PSD3: variants seen among roughly 807,000 people sequenced by gnomAD.
PSD3 encodes the protein pleckstrin and Sec7 domain containing 3, also known as PH and SEC7 domain-containing protein 3.
PSD3 carries 49 observed loss-of-function variants against 105.5 expected under a neutral mutation model. The observed-to-expected ratio is 0.46, with a 90% CI of 0.37 to 0.59. PSD3 has a LOEUF of 0.59. PSD3 is among the 20% of genes least tolerant of loss of function. PSD3 has a pLI of 0.00. For missense variants in PSD3, 1,561 were observed against 1,263.8 expected (o/e 1.24, Z -3.57); for synonymous variants, 557 against 457.8 (o/e 1.22, Z -2.77).
chr8:18,567,640 C>A (rs1801875128), intron 14 of PSD3, among the ~76,000 whole-genome samples: 2 of 152,134 alleles, frequency 1.3e-5, no homozygotes, highest in Admixed American at 6.5e-5. Flanking sequence ...TTTCCTGAAA[C>A]CACAGATTCT....
Position 18,655,670 on chromosome 8 carries a change from T to C in PSD3, c.2188A>G (p.Ile730Val), listed in dbSNP as rs1318462056. The C allele has an allele frequency of 1.2e-6, 2 of 1,613,848 alleles. No homozygotes were observed. The highest frequency in any genetic ancestry group is 1.7e-5 in the Admixed American group (1 of 60,016). ...KDLLKALYNSIKNEKLEWAVD... is the reference protein window; with the variant it reads ...KDLLKALYNSVKNEKLEWAVD... ...GCCCATTCAAGCTTCTCATTCTTGA[T>C]TGAGTTGTACAGAGCCTGTAAAGAG... The change falls in exon 10 of 16, where the codon ATC becomes GTC. Residue 730 changes from isoleucine (I) to valine (V), a missense_variant. Ile to Val is a conservative substitution (Grantham distance 29). Coordinates refer to ENST00000327040, the MANE Select transcript of PSD3 (RefSeq NM_015310.4).
rs377159271 is a variant in PSD3, at chr8:18,867,668, G to T, written c.1634+6C>A. ...AGCATGAAATGAATGAGAATGGGACGAGTACCTTCCCCAGAAAGCAATCTC... is the reference window on the plus strand; with the variant it reads ...AGCATGAAATGAATGAGAATGGGACTAGTACCTTCCCCAGAAAGCAATCTC... On this transcript the variant is annotated splice_donor_region_variant and intron_variant, in intron 4 of 15. Coordinates refer to ENST00000327040, the MANE Select transcript of PSD3 (RefSeq NM_015310.4). 1 of 1,603,388 alleles carries T rather than the reference G, an allele frequency of 6.2e-7. No individual in the cohort carries two copies. Among genetic ancestry groups the T allele is most frequent in the Non-Finnish European group, 8.5e-7 (1 of 1,173,818 alleles).
intron 10 of PSD3, among the ~76,000 whole-genome samples, chr8:18,645,526 T>C (rs1015679084): frequency 6.6e-6 from 1 of 152,172 alleles, no homozygotes; most frequent in African/African-American, 2.4e-5. Context: ...ATAATATCCT[T>C]TACATAACCA....
chr8:19,000,409 G>A (rs71502569), intron 1 of PSD3, among the ~76,000 whole-genome samples: 45,593 of 126,354 alleles, frequency 0.36, 7,861 homozygotes, highest in East Asian at 0.46. Flanking sequence ...AAAAAAAAAA[G>A]AGAGAGAAAA....
chr8:18,578,267 C>T (rs543351912), intron 12 of PSD3, among the ~76,000 whole-genome samples: 13 of 152,050 alleles, frequency 8.5e-5, no homozygotes, highest in Non-Finnish European at 1.2e-4. Flanking sequence ...CCTTATTCTC[C>T]CTTATGTAAC....
At chr8:18,576,381 G>A (rs1802464829) in intron 12 of PSD3, among the ~76,000 whole-genome samples, 1 of 152,056 alleles carries the variant, frequency 6.6e-6, no homozygotes, top group African/African-American at 2.4e-5. Context: ...AGCCTCCCAG[G>A]ATAAGAAGTG....
intron 2 of PSD3, among the ~76,000 whole-genome samples, chr8:18,897,215 G>A (rs575939630): frequency 6.6e-6 from 1 of 152,162 alleles, no homozygotes; most frequent in African/African-American, 2.4e-5. Flanking sequence ...TATACCTGTT[G>A]GCCATCTATA....
chr8:18,614,594 T>C (rs558613335), intron 11 of PSD3, among the ~76,000 whole-genome samples: 7 of 152,106 alleles, frequency 4.6e-5, no homozygotes, highest in Non-Finnish European at 7.4e-5. Context: ...TGGGTTTTCA[T>C]GGGTTAATTA....
chr8:18,881,119 G>A (rs958104973), intron 2 of PSD3, among the ~76,000 whole-genome samples: 6 of 152,112 alleles, frequency 3.9e-5, no homozygotes, highest in South Asian at 4.1e-4. Flanking sequence ...CTAACAAATC[G>A]TGTTTCCTGT....
At chr8:18,619,156 A>C (rs1172116483) in intron 11 of PSD3, among the ~76,000 whole-genome samples, 1 of 152,100 alleles carries the variant, frequency 6.6e-6, no homozygotes, top group Non-Finnish European at 1.5e-5. Flanking sequence ...AACCAACTGC[A>C]TGGACCCCCT....
intron 9 of PSD3, among the ~76,000 whole-genome samples, chr8:18,669,281 G>C (rs1422335869): frequency 6.6e-6 from 1 of 152,134 alleles, no homozygotes; most frequent in Non-Finnish European, 1.5e-5. Context: ...TATGTTCCAA[G>C]GCTCCCAGTG....
At chr8:18,628,280 T>A (rs1277724169) in intron 11 of PSD3, among the ~76,000 whole-genome samples, 1 of 151,724 alleles carries the variant, frequency 6.6e-6, no homozygotes, top group Non-Finnish European at 1.5e-5. Flanking sequence ...CACTAAGGCA[T>A]CACATAATAA....
intron 2 of PSD3, among the ~76,000 whole-genome samples, chr8:18,894,557 C>G (rs960694904): frequency 6.6e-6 from 1 of 152,142 alleles, no homozygotes; most frequent in Non-Finnish European, 1.5e-5. Flanking sequence ...TCAGCCAGAA[C>G]AGACATCTGA....
intron 2 of PSD3, among the ~76,000 whole-genome samples, chr8:18,930,234 C>T (rs1821651690): frequency 1.3e-5 from 2 of 152,116 alleles, no homozygotes; most frequent in Admixed American, 1.3e-4. Flanking sequence ...GAGATAGAGC[C>T]AATTACCCAC....
chr8:18,641,976 A>T (rs1019371326), intron 10 of PSD3, among the ~76,000 whole-genome samples: 16 of 152,148 alleles, frequency 1.1e-4, no homozygotes, highest in Non-Finnish European at 1.9e-4. Flanking sequence ...CTATTCTCTA[A>T]AAATACCTTA....
At chr8:18,785,789 T>G (rs1809086145) in intron 8 of PSD3, among the ~76,000 whole-genome samples, 1 of 152,152 alleles carries the variant, frequency 6.6e-6, no homozygotes, top group African/African-American at 2.4e-5. Context: ...GGCTATTAAT[T>G]GGCCTAATTT....
chr8:18,882,887 C>A (rs907149960), intron 2 of PSD3, among the ~76,000 whole-genome samples: 28 of 151,304 alleles, frequency 1.9e-4, no homozygotes, highest in African/African-American at 6.6e-4. Flanking sequence ...ACACAGATAT[C>A]CATATATCTG....
intron 1 of PSD3, among the ~76,000 whole-genome samples, chr8:18,953,349 G>T (rs1314202966): frequency 1.3e-5 from 2 of 152,018 alleles, no homozygotes; most frequent in Non-Finnish European, 2.9e-5. Context: ...CATACATATG[G>T]TTTACAAACA....
chr8:18,802,354 T>G (rs996801235), intron 6 of PSD3: 1 of 425,966 alleles, frequency 2.3e-6, no homozygotes, highest in Non-Finnish European at 4.7e-6. Flanking sequence ...TTCATTTTCC[T>G]AAACATGAGA....
Sources: allele counts gnomAD v4.1 joint callset (sites outside exome capture counted in the v4.1 genomes callset), GRCh38; gene constraint gnomAD v4.1.1; transcripts MANE v1.5; gene names NCBI Gene and HGNC (gene_info 2026-07-23, HGNC 2026-07-21).